Variants in GDA observed in about 807,000 individuals in gnomAD.
GDA encodes cytoplasmic PSD-95 interactor.
Under a neutral mutation model 59.6 loss-of-function variants are expected in GDA, and 18 were observed. That is an observed-to-expected ratio of 0.30 (90% confidence interval 0.21 to 0.45). The LOEUF (loss-of-function observed/expected upper bound fraction) is 0.45, where lower values mean the gene tolerates loss of function less well. Among genes scored for constraint, GDA ranks in the 20% least tolerant of loss-of-function variants. The pLI is 1.00. For synonymous variants in GDA, 201 were observed against 201.1 expected (o/e 1.00, Z 0.00); for missense variants, 427 against 552.3 (o/e 0.77, Z 2.27).
At chr9:72,180,080 C>T (rs374449458) in intron 1 of GDA, among the ~76,000 whole-genome samples, 9 of 152,080 alleles carry the variant, frequency 5.9e-5, no homozygotes, top group African/African-American at 1.4e-4. Flanking sequence ...AATGGCCATC[C>T]GGGCGCGGTG....
In GDA at chr9:72,183,372, C is replaced by T. The variant is rs531338304; in HGVS notation, c.124-12128C>T. On this transcript the variant is annotated intron_variant, in intron 1 of 13. Coordinates refer to ENST00000358399, the MANE Select transcript of GDA (RefSeq NM_004293.5). ...ACCCCAGTTCCCCTGACCCTATTAG[C>T]ATTCTCAGCCTTGACTGCTCCCTTA... Among the ~76,000 whole-genome samples, 506 of 152,260 alleles carry T rather than the reference C, an allele frequency of 3.3e-3. 3 individuals are homozygous for T. The highest frequency in any genetic ancestry group is 0.011 in the African/African-American group (474 of 41,552).
intron 3 of GDA, among the ~76,000 whole-genome samples, chr9:72,207,007 A>G (rs1417162539): frequency 6.6e-6 from 1 of 151,974 alleles, no homozygotes; most frequent in Non-Finnish European, 1.5e-5. Flanking sequence ...TTATTTATCT[A>G]TCAGCATCCA....
chr9:72,226,428 G>A (rs919726278), intron 8 of GDA, among the ~76,000 whole-genome samples: 1 of 152,194 alleles, frequency 6.6e-6, no homozygotes, highest in Non-Finnish European at 1.5e-5. Flanking sequence ...TATTAAAAAT[G>A]ACTCTTCCTG....
At chr9:72,215,751 A>G (rs1836027611) in intron 5 of GDA, among the ~76,000 whole-genome samples, 1 of 152,240 alleles carries the variant, frequency 6.6e-6, no homozygotes, top group African/African-American at 2.4e-5. Context: ...CTGGATTCCC[A>G]AAGATTGTGG....
intron 1 of GDA, among the ~76,000 whole-genome samples, chr9:72,117,121 C>T (rs1465687230): frequency 6.6e-6 from 1 of 152,092 alleles, no homozygotes; most frequent in East Asian, 1.9e-4. Flanking sequence ...ATTTTTATGG[C>T]TGCATAGTAT....
At chr9:72,231,564 C>CA (rs879269541) in intron 10 of GDA, among the ~76,000 whole-genome samples, 5,530 of 107,684 alleles carry the variant, frequency 0.051, 331 homozygotes, top group African/African-American at 0.17. Flanking sequence ...GACTCTGTCT[C>CA]AAAAAAAAAA....
chr9:72,154,395 A>G (rs1397705835), intron 1 of GDA, among the ~76,000 whole-genome samples: 4 of 152,174 alleles, frequency 2.6e-5, no homozygotes, highest in Non-Finnish European at 4.4e-5. Flanking sequence ...TGTTCATTCT[A>G]TTCCCTTTGC....
chr9:72,196,746 C>T (rs1345015297), intron 2 of GDA, among the ~76,000 whole-genome samples: 1 of 150,744 alleles, frequency 6.6e-6, no homozygotes, highest in Non-Finnish European at 1.5e-5. Flanking sequence ...TCCCCTTGCC[C>T]CCCACCCCCC....
chr9:72,214,762 G>A (rs1587678735), intron 5 of GDA: 2 of 303,184 alleles, frequency 6.6e-6, no homozygotes, highest in South Asian at 2.6e-5. Flanking sequence ...GAGACAGACT[G>A]TCACTCTGTC....
chr9:72,124,729 A>G (rs1478496543), intron 1 of GDA, among the ~76,000 whole-genome samples: 1 of 152,082 alleles, frequency 6.6e-6, no homozygotes, highest in Non-Finnish European at 1.5e-5. Flanking sequence ...GTATGTTGTT[A>G]TATGATGGAG....
intron 10 of GDA, among the ~76,000 whole-genome samples, chr9:72,232,918 A>G (rs1838523066): frequency 6.6e-6 from 1 of 152,264 alleles, no homozygotes; most frequent in African/African-American, 2.4e-5. Context: ...TGGTTAGCAC[A>G]GTGCCTGCCT....
chr9:72,218,024 A>G (rs1292928121), intron 5 of GDA, among the ~76,000 whole-genome samples: 1 of 151,648 alleles, frequency 6.6e-6, no homozygotes, highest in Non-Finnish European at 1.5e-5. Flanking sequence ...AACAATTATC[A>G]TATCTCAGCC....
intron 1 of GDA, among the ~76,000 whole-genome samples, chr9:72,153,695 T>C (rs1587368952): frequency 6.6e-6 from 1 of 150,686 alleles, no homozygotes; most frequent in African/African-American, 2.4e-5. Flanking sequence ...ATGGATGAAA[T>C]TGGAAACTGT....
chr9:72,211,769 G>A (rs1359683959), intron 4 of GDA, among the ~76,000 whole-genome samples: 5 of 152,178 alleles, frequency 3.3e-5, no homozygotes, highest in Admixed American at 3.3e-4. Flanking sequence ...AGTGGATGCA[G>A]GGACCACAGT....
At chr9:72,255,366 T>C (rs539573188), downstream of GDA, among the ~76,000 whole-genome samples, 33 of 152,292 alleles carry the variant, frequency 2.2e-4, no homozygotes, top group Admixed American at 1.1e-3. Flanking sequence ...AATGAGGGCA[T>C]CTATGGATTG....
At chr9:72,179,390 A>C (rs1830905025) in intron 1 of GDA, among the ~76,000 whole-genome samples, 1 of 152,194 alleles carries the variant, frequency 6.6e-6, no homozygotes, top group South Asian at 2.1e-4. Flanking sequence ...AGTTGAAGGG[A>C]GATATGGCAG....
chr9:72,194,695 A>G (rs1832943102), intron 1 of GDA, among the ~76,000 whole-genome samples: 1 of 152,130 alleles, frequency 6.6e-6, no homozygotes. Context: ...ACTAGGACTC[A>G]CACAAAAGTT....
chr9:72,250,956 C>G lies in GDA; in HGVS notation c.*2614C>G. 1.3e-6 allele frequency: 1 copy of G among 784,378 alleles called. No individual in the cohort carries two copies. Among genetic ancestry groups the G allele is most frequent in the Non-Finnish European group, 2.1e-6 (1 of 482,652 alleles). The allele number at this position is 784,378 out of a possible 1,614,324, so 48.6% of individuals were successfully genotyped here. ...ATTTCATTTTCAAACGAGAGGGAAA[C>G]ATGGGAAGTAAAAGATTAGGATGTG... On this transcript the variant is annotated 3_prime_UTR_variant, in exon 14 of 14. Transcript: ENST00000358399.
chr9:72,134,675 A>AT lies in GDA; in HGVS notation c.-100+19844dup, dbSNP rs561334491. ...TGCCTCAGCCTCCCAAAGTGCTGGGATTACAGGCGTGAGCCACTGCACCTG... is the reference window on the plus strand; with the variant it reads ...TGCCTCAGCCTCCCAAAGTGCTGGGATTTACAGGCGTGAGCCACTGCACCTG... On this transcript the variant is annotated intron_variant, in intron 1 of 13. Coordinates refer to the GDA transcript ENST00000545168. Among the ~76,000 whole-genome samples the AT allele has an allele frequency of 3.9e-4, 60 of 152,288 alleles. 1 individual carries two copies. The East Asian group carries it at 0.011, about 29-fold the overall frequency.
Sources: allele counts gnomAD v4.1 joint callset (sites outside exome capture counted in the v4.1 genomes callset), GRCh38; gene constraint gnomAD v4.1.1; transcripts MANE v1.5; gene names NCBI Gene and HGNC (gene_info 2026-07-23, HGNC 2026-07-21).